Variants in MMS22L observed in about 807,000 individuals in gnomAD.
MMS22L encodes protein MMS22-like.
MMS22L carries 74 observed loss-of-function variants against 159.1 expected under a neutral mutation model. The ratio of observed to expected loss-of-function variants is 0.47; its 90% confidence interval spans 0.39 to 0.56. MMS22L has a LOEUF of 0.56. Ranked by LOEUF, MMS22L falls within the 20% of genes least tolerant of loss-of-function variation. The probability of loss-of-function intolerance (pLI) is 0.00; values close to 1 mark genes in which losing one functional copy is unlikely to be tolerated. For missense variants in MMS22L, 1,351 were observed against 1,422.1 expected (o/e 0.95, Z 0.80); for synonymous variants, 517 against 506.9 (o/e 1.02, Z -0.27).
At chr6:97,269,321 C>T (rs1815486167) in intron 7 of MMS22L, among the ~76,000 whole-genome samples, 2 of 152,112 alleles carry the variant, frequency 1.3e-5, no homozygotes, top group South Asian at 4.2e-4. Context: ...TATATATCAG[C>T]AGGACTTACT....
At chr6:97,184,575 A>G (rs1351029417) in intron 15 of MMS22L, among the ~76,000 whole-genome samples, 1 of 152,154 alleles carries the variant, frequency 6.6e-6, no homozygotes, top group East Asian at 1.9e-4. Context: ...GCAAATGGCT[A>G]TAGTTACCCT....
At chr6:97,243,180 T>G (rs1582763257) in intron 11 of MMS22L, among the ~76,000 whole-genome samples, 2 of 152,232 alleles carry the variant, frequency 1.3e-5, no homozygotes, top group Non-Finnish European at 2.9e-5. Context: ...TTCCAAACTT[T>G]TAGATTTCTC....
intron 14 of MMS22L, among the ~76,000 whole-genome samples, chr6:97,198,870 C>T (rs966204533): frequency 2.0e-5 from 3 of 152,068 alleles, no homozygotes; most frequent in Non-Finnish European, 2.9e-5. Flanking sequence ...TATGCTGAGA[C>T]ATTTTATGTA....
chr6:97,187,472 AT>A (rs1333079452), intron 14 of MMS22L, among the ~76,000 whole-genome samples: 1 of 152,156 alleles, frequency 6.6e-6, no homozygotes, highest in Non-Finnish European at 1.5e-5. Context: ...TGATAATATG[AT>A]TATTTAAAAC....
At chr6:97,224,595 G>C (rs1240197397) in intron 14 of MMS22L, among the ~76,000 whole-genome samples, 4 of 149,616 alleles carry the variant, frequency 2.7e-5, no homozygotes, top group Non-Finnish European at 5.9e-5. Flanking sequence ...TAAAAAGAAA[G>C]TAATCAAAAG....
chr6:97,252,505 C>A (rs1359075790), intron 10 of MMS22L, among the ~76,000 whole-genome samples: 1 of 151,704 alleles, frequency 6.6e-6, no homozygotes, highest in Non-Finnish European at 1.5e-5. Flanking sequence ...ATTAGCTGGG[C>A]GTGGTGGTGT....
chr6:97,223,079 A>G (rs1008029004), intron 14 of MMS22L, among the ~76,000 whole-genome samples: 7 of 152,238 alleles, frequency 4.6e-5, no homozygotes, highest in African/African-American at 1.7e-4. Context: ...TTAATCAGCA[A>G]TAAAGAATGC....
intron 6 of MMS22L, chr6:97,270,283 G>C (rs1175447348): frequency 3.7e-6 from 2 of 538,232 alleles, no homozygotes; most frequent in Non-Finnish European, 7.1e-6. Context: ...TTCTACTACA[G>C]CTGCAAGGCA....
At chr6:97,208,765 T>C (rs552385118) in intron 14 of MMS22L, among the ~76,000 whole-genome samples, 2 of 151,942 alleles carry the variant, frequency 1.3e-5, no homozygotes, top group African/African-American at 4.8e-5. Context: ...TTAAAACCTA[T>C]AGTCTTTGAT....
At chr6:97,188,408 T>C (rs1805478914) in intron 14 of MMS22L, among the ~76,000 whole-genome samples, 1 of 152,194 alleles carries the variant, frequency 6.6e-6, no homozygotes, top group African/African-American at 2.4e-5. Flanking sequence ...TCTATATATG[T>C]GCTAGAAATT....
At chr6:97,223,844 T>A (rs1809923256) in intron 14 of MMS22L, among the ~76,000 whole-genome samples, 1 of 152,148 alleles carries the variant, frequency 6.6e-6, no homozygotes, top group South Asian at 2.1e-4. Context: ...AGTAATCTGT[T>A]TGCAAATTAC....
At chr6:97,149,524 A>G (rs1229757302) in intron 24 of MMS22L, among the ~76,000 whole-genome samples, 2 of 152,206 alleles carry the variant, frequency 1.3e-5, no homozygotes, top group Non-Finnish European at 2.9e-5. Context: ...AAAACAAGAC[A>G]TCCAAGGCTA....
intron 4 of MMS22L, among the ~76,000 whole-genome samples, chr6:97,276,446 AG>A (rs1816252578): frequency 3.0e-5 from 2 of 65,580 alleles, no homozygotes; most frequent in Non-Finnish European, 5.3e-5. Flanking sequence ...TTCTACGTAA[AG>A]GTAAAGGTAT....
At chr6:97,238,940 A>G (rs892289297) in intron 11 of MMS22L, among the ~76,000 whole-genome samples, 2 of 135,740 alleles carry the variant, frequency 1.5e-5, no homozygotes, top group African/African-American at 5.5e-5. Flanking sequence ...AAAAGAAAAA[A>G]GAAATGGCAA....
At chr6:97,220,861 A>AAAC (rs560206562) in intron 14 of MMS22L, among the ~76,000 whole-genome samples, 23 of 151,932 alleles carry the variant, frequency 1.5e-4, no homozygotes, top group Admixed American at 3.3e-4. Flanking sequence ...TTACACACTA[A>AAAC]AACAACAACA....
chr6:97,201,510 G>C (rs1807160551), intron 14 of MMS22L, among the ~76,000 whole-genome samples: 1 of 152,164 alleles, frequency 6.6e-6, no homozygotes, highest in Admixed American at 6.5e-5. Context: ...TAGTTTATTA[G>C]ATCGAACCCA....
chr6:97,181,653 C>T (rs968607152), intron 16 of MMS22L, among the ~76,000 whole-genome samples: 1 of 151,898 alleles, frequency 6.6e-6, no homozygotes. Flanking sequence ...GATGATAAGG[C>T]AGTCTTACAA....
In MMS22L at chr6:97,178,442, C is replaced by A; in HGVS notation, c.2679+1G>T. ...CAATTATACTAATAAATGACAAATACCTCAAAGAATCGAACAAGTGCTTTT... is the reference window on the plus strand; with the variant it reads ...CAATTATACTAATAAATGACAAATAACTCAAAGAATCGAACAAGTGCTTTT... On this transcript the variant is annotated splice_donor_variant, in intron 18 of 24. Transcript: ENST00000683635. LOFTEE classifies it high-confidence loss of function. 6.5e-7 allele frequency: 1 copy of A among 1,537,732 alleles called. No individual in the cohort carries two copies.
intron 14 of MMS22L, among the ~76,000 whole-genome samples, chr6:97,215,114 A>ATTT (rs1554266841): frequency 1.7e-4 from 15 of 87,216 alleles, no homozygotes; most frequent in African/African-American, 4.2e-4. Context: ...ATATATATAT[A>ATTT]TTTTTTTTTT....
Sources: gnomAD v4.1 joint callset for allele counts (sites outside exome capture counted in the v4.1 genomes callset) on GRCh38, gnomAD v4.1.1 for gene constraint, MANE v1.5 for transcripts, NCBI Gene and HGNC (gene_info 2026-07-23, HGNC 2026-07-21) for gene names.